Variants in COTL1 observed in about 807,000 individuals in gnomAD.
COTL1 encodes the protein coactosin like F-actin binding protein 1.
In COTL1, 15 loss-of-function variants were observed where a neutral mutation model predicts 16.5. That is an observed-to-expected ratio of 0.91 (90% CI 0.61 to 1.40). The LOEUF (loss-of-function observed/expected upper bound fraction) is 1.40. Ranked by LOEUF, COTL1 falls within the 40% of genes most tolerant of loss-of-function variation. The pLI is 0.00. For synonymous variants in COTL1, 112 were observed against 85.3 expected (o/e 1.31, Z -1.73); for missense variants, 220 against 201.5 (o/e 1.09, Z -0.56).
intron 2 of COTL1, among the ~76,000 whole-genome samples, chr16:84,607,996 A>C (rs894428492): frequency 5.9e-5 from 9 of 152,204 alleles, no homozygotes; most frequent in African/African-American, 2.2e-4. Flanking sequence ...AGCCACGCAG[A>C]AGCAGAAGCA....
intron 2 of COTL1, among the ~76,000 whole-genome samples, chr16:84,614,405 G>C (rs1905416968): frequency 6.6e-6 from 1 of 152,168 alleles, no homozygotes; most frequent in Non-Finnish European, 1.5e-5. Context: ...CTGGAAAACA[G>C]CTCTGAGGGA....
intron 3 of COTL1, among the ~76,000 whole-genome samples, chr16:84,584,704 G>A (rs1250471588): frequency 6.6e-6 from 1 of 152,172 alleles, no homozygotes; most frequent in Non-Finnish European, 1.5e-5. Context: ...TGTGCATCAC[G>A]GTGTTGTCTA....
chr16:84,608,055 C>A (rs1460670934), intron 2 of COTL1, among the ~76,000 whole-genome samples: 1 of 152,068 alleles, frequency 6.6e-6, no homozygotes, highest in African/African-American at 2.4e-5. Context: ...CTGGCAAATG[C>A]TGGAGGGAGG....
rs1343282916 is a variant in COTL1, at chr16:84,617,889, G to A, written c.26C>T (p.Ala9Val). The change falls in exon 1 of 4, where the codon GCT becomes GTT. Residue 9 changes from alanine (A) to valine (V), a missense_variant. Coordinates refer to ENST00000262428, the MANE Select transcript of COTL1 (RefSeq NM_021149.5). ...CACCAGGTTGTACGCCGCCCGGCAA[G>A]CCTCTTTGTCGATCTTGGTGGCCAT... MATKIDKE[A>V]CRAAYNLVRD... 1.9e-6 allele frequency: 3 copies of A among 1,567,834 alleles called. No individual in the cohort carries two copies. The highest frequency in any genetic ancestry group is 1.2e-5 in the South Asian group (1 of 85,674).
chr16:84,616,326 A>C (rs2967868), intron 2 of COTL1: 81,539 of 151,664 alleles, frequency 0.54, 23,098 homozygotes, highest in African/African-American at 0.72. Flanking sequence ...AATGGTGAAA[A>C]CCCCATCTCT....
intron 2 of COTL1, among the ~76,000 whole-genome samples, chr16:84,600,868 T>A (rs990568828): frequency 1.3e-5 from 2 of 152,224 alleles, no homozygotes; most frequent in African/African-American, 4.8e-5. Context: ...CTCCAGGGTA[T>A]AAGCTGATCT....
chr16:84,569,731 G>A lies in COTL1; in HGVS notation c.319-2776C>T, dbSNP rs184882070. On this transcript the variant is annotated intron_variant, in intron 3 of 3. Transcript: ENST00000262428. The stretch of plus-strand genomic sequence containing the variant: ...GTGTTACTAAGTGTATGTGATCCGT[G>A]CAATGAAAGAACACAAGTTGGATGT... Among the ~76,000 whole-genome samples the A allele has an allele frequency of 2.6e-5, 4 of 152,286 alleles. No individual in the cohort carries two copies. The East Asian group carries it at 7.7e-4, about 29-fold the overall frequency.
At chr16:84,593,894 G>A (rs369866128) in intron 2 of COTL1, among the ~76,000 whole-genome samples, 2 of 152,112 alleles carry the variant, frequency 1.3e-5, no homozygotes, top group African/African-American at 4.8e-5. Flanking sequence ...ACTCCAACGA[G>A]AACTCCCGTC....
intron 3 of COTL1, chr16:84,567,419 A>ATCCATGATGTAAATAGTCCC (rs1904303607): frequency 6.5e-6 from 1 of 154,452 alleles, no homozygotes. Flanking sequence ...TTTTGCCCAT[A>ATCCATGATGTAAATAGTCCC]TCCATGATGT....
At chr16:84,604,565 G>C (rs56135514) in intron 2 of COTL1, among the ~76,000 whole-genome samples, 36,181 of 151,864 alleles carry the variant, frequency 0.24, 4,692 homozygotes, top group East Asian at 0.43. Flanking sequence ...CAGTTTATAT[G>C]TGTTGGGGGG....
chr16:84,603,954 C>A (rs77152938), intron 2 of COTL1, among the ~76,000 whole-genome samples: 17 of 138,056 alleles, frequency 1.2e-4, no homozygotes, highest in South Asian at 5.2e-4. Flanking sequence ...CACCTCCCCC[C>A]ACTTTCTACC....
intron 2 of COTL1, among the ~76,000 whole-genome samples, chr16:84,604,756 C>G (rs937933677): frequency 2.6e-5 from 4 of 152,202 alleles, no homozygotes; most frequent in African/African-American, 9.7e-5. Flanking sequence ...CCGCCAGGAG[C>G]CTGGCTCTTT....
chr16:84,567,095 G>A (rs1193591425), intron 3 of COTL1, 140 bp from the exon 4 acceptor site: 3 of 603,572 alleles, frequency 5.0e-6, no homozygotes, highest in Admixed American at 2.4e-5. Flanking sequence ...AGCAGAGTCA[G>A]TCAATGGAAA....
At chr16:84,571,836 G>A (rs564696335) in intron 3 of COTL1, among the ~76,000 whole-genome samples, 78 of 152,280 alleles carry the variant, frequency 5.1e-4, no homozygotes, top group African/African-American at 1.8e-3. Flanking sequence ...ACACCGAGCC[G>A]CTCCCACCTT....
chr16:84,589,707 C>A (rs1904814195), intron 3 of COTL1, among the ~76,000 whole-genome samples: 1 of 152,108 alleles, frequency 6.6e-6, no homozygotes, highest in African/African-American at 2.4e-5. Context: ...AGGCACTGTT[C>A]AGAGAGGGTA....
chr16:84,582,560 A>G (rs970164679), intron 3 of COTL1, among the ~76,000 whole-genome samples: 2 of 152,208 alleles, frequency 1.3e-5, no homozygotes, highest in Non-Finnish European at 2.9e-5. Context: ...TTTCCTTGTT[A>G]GTTACTTAAT....
intron 2 of COTL1, among the ~76,000 whole-genome samples, chr16:84,608,974 C>T (rs1033635329): frequency 6.6e-6 from 1 of 152,254 alleles, no homozygotes; most frequent in South Asian, 2.1e-4. Context: ...AAATGTTTGT[C>T]GCATGCATTA....
intron 3 of COTL1, chr16:84,577,234 GTTGGTT>G (rs146020104): frequency 0.24 from 35,936 of 151,700 alleles, 5,255 homozygotes; most frequent in East Asian, 0.53. Context: ...TTTTTTGTTT[GTTGGTT>G]TTGGTTTTGG....
intron 2 of COTL1, among the ~76,000 whole-genome samples, chr16:84,609,025 T>G (rs1166000879): frequency 2.0e-5 from 3 of 152,214 alleles, no homozygotes; most frequent in Non-Finnish European, 4.4e-5. Flanking sequence ...CCCAAAGCCC[T>G]GTCACAGATT....
Sources: gnomAD v4.1 joint callset for allele counts (sites outside exome capture counted in the v4.1 genomes callset) on GRCh38, gnomAD v4.1.1 for gene constraint, MANE v1.5 for transcripts, NCBI Gene and HGNC (gene_info 2026-07-23, HGNC 2026-07-21) for gene names.